Variants in CACNA1B observed in about 807,000 individuals in gnomAD.
The protein encoded by CACNA1B is calcium voltage-gated channel subunit alpha1 B.
A neutral mutation model predicts 247.2 loss-of-function variants in CACNA1B; 70 were observed. The ratio of observed to expected loss-of-function variants is 0.28; its 90% CI spans 0.23 to 0.35. CACNA1B has a LOEUF of 0.35. CACNA1B is among the 10% of genes least tolerant of loss of function. The pLI is 1.00. For synonymous variants in CACNA1B, 1,231 were observed against 1,294.4 expected (o/e 0.95, Z 1.05); for missense variants, 2,367 against 3,197.4 (o/e 0.74, Z 6.26).
chr9:138,000,299 C>G (rs554728882), intron 15 of CACNA1B, among the ~76,000 whole-genome samples: 6 of 151,978 alleles, frequency 3.9e-5, no homozygotes, highest in Admixed American at 3.3e-4. Flanking sequence ...AGGGTTTCAC[C>G]GTGTTAGCCA....
Position 138,102,678 on chromosome 9 carries a change from C to A in CACNA1B, c.5223-33C>A. Reference sequence around the variant, plus strand: ...GCCGCTCCTCCTGTGGACCACCCCACTGTGCCCTGGCCTCGCTGGGACGGG... The same window carrying A: ...GCCGCTCCTCCTGTGGACCACCCCAATGTGCCCTGGCCTCGCTGGGACGGG... On this transcript the variant is annotated intron_variant, in intron 37 of 46. Coordinates refer to ENST00000371372, the MANE Select transcript of CACNA1B (RefSeq NM_000718.4). This position sits in a 1 kb window ranked among gnomAD's most constrained non-coding sequence, Gnocchi z 5.4. 6.9e-7 allele frequency: 1 copy of A among 1,439,202 alleles called. No homozygotes were observed. The highest frequency in any genetic ancestry group is 9.7e-7 in the Non-Finnish European group (1 of 1,029,528). The allele number at this position is 1,439,202 out of a possible 1,614,324, so 89.2% of individuals were successfully genotyped here. A position where few individuals can be genotyped will look rare whatever the true frequency, so the allele number is the denominator to read the frequency against.
At chr9:138,103,671 A>G (rs1294145407) in intron 38 of CACNA1B, among the ~76,000 whole-genome samples, 1 of 152,132 alleles carries the variant, frequency 6.6e-6, no homozygotes, top group African/African-American at 2.4e-5. Context: ...CCTACTCAAG[A>G]GCCCTCCTGA....
chr9:137,997,438 AC>A (rs1459870575), intron 15 of CACNA1B, among the ~76,000 whole-genome samples: 1 of 152,256 alleles, frequency 6.6e-6, no homozygotes. Context: ...GATAGTATTT[AC>A]ATAGAAAAAC....
At chr9:137,949,249 G>GTC (rs1439307051) in intron 6 of CACNA1B, among the ~76,000 whole-genome samples, 4 of 127,458 alleles carry the variant, frequency 3.1e-5, no homozygotes, top group South Asian at 2.6e-4. Flanking sequence ...GCATGTGTGT[G>GTC]GTGTGTGGTG....
chr9:138,003,977 A>G (rs1039533550), intron 15 of CACNA1B, among the ~76,000 whole-genome samples: 1 of 151,982 alleles, frequency 6.6e-6, no homozygotes, highest in Admixed American at 6.6e-5. Flanking sequence ...AGGGCGTGAC[A>G]GTGCCATGGG....
At chr9:138,087,388 AAAAAAAAAAAAAAAAGAAAAAG>A (rs1960728114) in intron 36 of CACNA1B, among the ~76,000 whole-genome samples, 3 of 146,278 alleles carry the variant, frequency 2.1e-5, no homozygotes, top group Non-Finnish European at 4.5e-5. Context: ...CTGTCTCAAA[AAAAAAAAAAAAAAAAGAAAAAG>A]AAAAAAAAGA....
intron 22 of CACNA1B, 150 bp downstream of exon 22, chr9:138,047,183 A>G (rs1959192494): frequency 1.2e-6 from 1 of 835,660 alleles, no homozygotes; most frequent in South Asian, 1.8e-5. Flanking sequence ...GCAGTGCACG[A>G]CCAAAGGTCT....
intron 39 of CACNA1B, among the ~76,000 whole-genome samples, chr9:138,106,489 G>T (rs568899871): frequency 1.3e-5 from 2 of 152,188 alleles, no homozygotes; most frequent in African/African-American, 2.4e-5. Flanking sequence ...CAAAAAGTTC[G>T]CTGGGCGCGG....
chr9:138,023,999 G>C (rs1303136035), intron 19 of CACNA1B, among the ~76,000 whole-genome samples, 188 bp downstream of exon 19: 2 of 152,236 alleles, frequency 1.3e-5, no homozygotes, highest in Admixed American at 6.5e-5. Flanking sequence ...CTGCCTTGCA[G>C]GGTTGACCTG....
At chr9:138,001,220 A>C (rs1270993806) in intron 15 of CACNA1B, among the ~76,000 whole-genome samples, 2 of 150,012 alleles carry the variant, frequency 1.3e-5, no homozygotes, top group Non-Finnish European at 2.9e-5. Context: ...TGAAACATTG[A>C]TAAAAATAAA....
chr9:137,964,565 C>G (rs1159663751), intron 10 of CACNA1B, among the ~76,000 whole-genome samples: 1 of 152,202 alleles, frequency 6.6e-6, no homozygotes, highest in Non-Finnish European at 1.5e-5. Flanking sequence ...CCTTTCTAAA[C>G]TGGCTGTATT....
At position 138,121,960 on chromosome 9, in the gene CACNA1B, G is replaced by A; in HGVS notation, c.6981G>A (p.Arg2327=). 5.6e-6 allele frequency: 9 copies of A among 1,602,818 alleles called. No homozygotes were observed. The highest frequency in any genetic ancestry group is 7.6e-6 in the Non-Finnish European group (9 of 1,179,794). ...TLGLSSGGRA[R]HSYHHPDQDH... ...GACTCAGCTCGGGTGGCCGAGCACGGCACAGCTACCACCACCCTGACCAAG... is the reference window on the plus strand; with the variant it reads ...GACTCAGCTCGGGTGGCCGAGCACGACACAGCTACCACCACCCTGACCAAG... Residue 2327 remains arginine (R), a synonymous_variant, in exon 47 of 47, where the codon CGG becomes CGA. Transcript: ENST00000371372. The surrounding 1 kb of genome is among the most constrained non-coding windows in gnomAD (Gnocchi z 6.8).
At chr9:138,038,538 C>A (rs1959075343) in intron 20 of CACNA1B, among the ~76,000 whole-genome samples, 1 of 152,052 alleles carries the variant, frequency 6.6e-6, no homozygotes, top group Admixed American at 6.5e-5. Flanking sequence ...GAGTTTGCAT[C>A]CCCCAAGGTG....
Position 137,925,917 on chromosome 9 carries a change from A to AT in CACNA1B, c.966+8504dup, listed in dbSNP as rs60826721. ...GCCACCATGCCCAGCTAAGTTTTGC[A>AT]TTTTTTTTTTTTTTTTTTAGTAGAG... On this transcript the variant is annotated intron_variant, in intron 6 of 46. Coordinates refer to ENST00000371372, the MANE Select transcript of CACNA1B (RefSeq NM_000718.4). Among the ~76,000 whole-genome samples, 574 of 124,668 alleles carry AT rather than the reference A, an allele frequency of 4.6e-3. 5 individuals carry two copies. Among genetic ancestry groups the AT allele is most frequent in the Middle Eastern group, 0.023 (5 of 222 alleles). The allele number at this position is 124,668 out of a possible 152,430, so 81.8% of individuals were successfully genotyped here. A position where few individuals can be genotyped will look rare whatever the true frequency, so the allele number is the denominator to read the frequency against.
chr9:138,081,608 G>A (rs1311698943), intron 36 of CACNA1B, among the ~76,000 whole-genome samples: 1 of 151,076 alleles, frequency 6.6e-6, no homozygotes, highest in Non-Finnish European at 1.5e-5. Flanking sequence ...ATGACAGCCT[G>A]CTGATAATCA....
chr9:138,114,566 CG>C, intron 41 of CACNA1B, 76 bp downstream of exon 41: 1 of 692,870 alleles, frequency 1.4e-6, no homozygotes, highest in Non-Finnish European at 2.5e-6. Flanking sequence ...GGGTTGACGA[CG>C]GGGGAGATGC....
intron 20 of CACNA1B, among the ~76,000 whole-genome samples, chr9:138,041,885 G>T (rs141302133): frequency 1.3e-4 from 20 of 152,176 alleles, no homozygotes; most frequent in Non-Finnish European, 2.4e-4. Flanking sequence ...CTCTGGAGTC[G>T]CTGGAACTGT....
Position 137,957,514 on chromosome 9 carries a change from G to A in CACNA1B, c.1244-84G>A, listed in dbSNP as rs1429239956. ...CTCAGGAGAGGTCACTGGTCCCAGG[G>A]GGAGGGTGATCCCATGCCCCGCTGA... On this transcript the variant is annotated intron_variant, in intron 9 of 46. Coordinates refer to ENST00000371372, the MANE Select transcript of CACNA1B (RefSeq NM_000718.4). The surrounding 1 kb of genome is among the most constrained non-coding windows in gnomAD (Gnocchi z 4.7). 4.1e-6 allele frequency: 4 copies of A among 985,214 alleles called. No homozygotes were observed. Among genetic ancestry groups the A allele is most frequent in the Non-Finnish European group, 5.9e-6 (4 of 676,320 alleles). The allele number at this position is 985,214 out of a possible 1,614,324, so 61.0% of individuals were successfully genotyped here. A position where few individuals can be genotyped will look rare whatever the true frequency, so the allele number is the denominator to read the frequency against.
rs1956927696 is a variant in CACNA1B, at chr9:137,881,945, G to C, written c.391-799G>C. Among the ~76,000 whole-genome samples, 1 of 152,178 alleles carries C rather than the reference G, an allele frequency of 6.6e-6. No homozygotes were observed. Among genetic ancestry groups the C allele is most frequent in the Non-Finnish European group, 1.5e-5 (1 of 68,024 alleles). On this transcript the variant is annotated intron_variant, in intron 2 of 46. Coordinates refer to ENST00000371372, the MANE Select transcript of CACNA1B (RefSeq NM_000718.4). This position sits in a 1 kb window ranked among gnomAD's most constrained non-coding sequence, Gnocchi z 4.3. ...AAATCGAGCTGTGGAAGCCTTGCCTGCAGGCGCCACGCCCTCTGGGAGGCT... is the reference window on the plus strand; with the variant it reads ...AAATCGAGCTGTGGAAGCCTTGCCTCCAGGCGCCACGCCCTCTGGGAGGCT...
Sources: gnomAD v4.1 joint callset for allele counts (sites outside exome capture counted in the v4.1 genomes callset) on GRCh38, gnomAD v4.1.1 for gene constraint, Gnocchi (gnomAD v3.1) non-coding constraint, MANE v1.5 for transcripts, NCBI Gene and HGNC (gene_info 2026-07-23, HGNC 2026-07-21) for gene names.